Variants in MET observed in about 807,000 individuals in gnomAD.
MET encodes the protein MET proto-oncogene, receptor tyrosine kinase.
MET carries 48 observed loss-of-function variants against 133.1 expected under a neutral mutation model. The observed-to-expected ratio is 0.36, with a 90% confidence interval of 0.29 to 0.46. The LOEUF (loss-of-function observed/expected upper bound fraction) is 0.46, where lower values mean the gene tolerates loss of function less well. Among genes scored for constraint, MET ranks in the 20% least tolerant of loss-of-function variants. The probability of loss-of-function intolerance (pLI) is 1.00; values close to 1 mark genes in which losing one functional copy is unlikely to be tolerated. For synonymous variants in MET, 628 were observed against 616.5 expected (o/e 1.02, Z -0.28); for missense variants, 1,442 against 1,695.9 (o/e 0.85, Z 2.63).
intron 11 of MET, among the ~76,000 whole-genome samples, chr7:116,764,272 C>T (rs569225474): frequency 2.6e-5 from 4 of 152,010 alleles, no homozygotes; most frequent in Non-Finnish European, 5.9e-5. Context: ...TTAAGCAAGC[C>T]CAGCATAAAA....
Position 116,795,952 on chromosome 7 carries a change from T to C in MET, c.4001T>C (p.Val1334Ala), listed in dbSNP as rs778282062. Residue 1334 changes from valine (V) to alanine (A), a missense_variant, in exon 21 of 21, where the codon GTG becomes GCG. Coordinates refer to ENST00000397752, the MANE Select transcript of MET (RefSeq NM_000245.4). ...AEMRPSFSEL[V>A]SRISAIFSTF... ...ATGCGCCCATCCTTTTCTGAACTGG[T>C]GTCCCGGATATCAGCGATCTTCTCT... 3 of 1,614,190 alleles carry C rather than the reference T, an allele frequency of 1.9e-6. No individual in the cohort carries two copies. The Admixed American group carries it at 5.0e-5, about 27-fold the overall frequency.
At chr7:116,712,962 G>A (rs1283510023) in intron 2 of MET, among the ~76,000 whole-genome samples, 1 of 152,062 alleles carries the variant, frequency 6.6e-6, no homozygotes, top group Non-Finnish European at 1.5e-5. Flanking sequence ...TCTGTAAGAG[G>A]GACTTTACGC....
At chr7:116,713,394 CAA>C (rs749848531) in intron 2 of MET, among the ~76,000 whole-genome samples, 35 of 77,516 alleles carry the variant, frequency 4.5e-4, no homozygotes, top group Non-Finnish European at 3.2e-4. Flanking sequence ...GACTCCGTCT[CAA>C]AAAAAAAAAA....
chr7:116,744,772 G>A (rs1793603598), intron 5 of MET, among the ~76,000 whole-genome samples: 1 of 152,214 alleles, frequency 6.6e-6, no homozygotes, highest in Non-Finnish European at 1.5e-5. Context: ...AGGAAAAAAT[G>A]TTAAGGGCAG....
rs45441497 is a variant in MET, at chr7:116,731,671, C to A, written c.1204C>A (p.Leu402Ile). Residue 402 changes from leucine to isoleucine, a missense_variant, in exon 3 of 21, where the codon CTT becomes ATT. Leu to Ile is a conservative substitution (Grantham distance 5, BLOSUM62 2). Coordinates refer to ENST00000397752, the MANE Select transcript of MET (RefSeq NM_000245.4). ...PNHEHCFNRT[L>I]LRNSSGCEAR... is the part of the protein sequence containing the mutation. The stretch of plus-strand genomic sequence containing the variant: ...CTATGACCATATTTTATTCCAGACA[C>A]TTCTGAGAAATTCATCAGGCTGTGA... The A allele has an allele frequency of 1.2e-6, 2 of 1,614,092 alleles. No individual in the cohort carries two copies. Among genetic ancestry groups the A allele is most frequent in the Non-Finnish European group, 8.5e-7 (1 of 1,179,948 alleles).
chr7:116,775,829 T>C (rs1030693572), intron 15 of MET, among the ~76,000 whole-genome samples: 2 of 152,234 alleles, frequency 1.3e-5, no homozygotes, highest in South Asian at 2.1e-4. Flanking sequence ...GCCTGGTTTA[T>C]AGCAGTTTGT....
At chr7:116,789,355 T>C (rs1795412926) in intron 19 of MET, among the ~76,000 whole-genome samples, 1 of 152,200 alleles carries the variant, frequency 6.6e-6, no homozygotes, top group African/African-American at 2.4e-5. Flanking sequence ...AATCAAACTC[T>C]TTCCTGCCAA....
At chr7:116,754,936 A>G (rs1214336919) in intron 5 of MET, among the ~76,000 whole-genome samples, 35 of 139,470 alleles carry the variant, frequency 2.5e-4, no homozygotes, top group South Asian at 9.1e-4. Context: ...AGAAAGAAAG[A>G]AAGAAAGAAA....
At chr7:116,776,931 G>GT (rs1795010440) in intron 15 of MET, among the ~76,000 whole-genome samples, 1 of 152,076 alleles carries the variant, frequency 6.6e-6, no homozygotes, top group Admixed American at 6.5e-5. Context: ...ATTTTTAATG[G>GT]TAACATTTTT....
At chr7:116,768,217 C>A (rs1358242907) in intron 11 of MET, among the ~76,000 whole-genome samples, 2 of 152,060 alleles carry the variant, frequency 1.3e-5, no homozygotes, top group African/African-American at 4.8e-5. Context: ...AAATGTTGTA[C>A]ATTCATCCCT....
intron 18 of MET, among the ~76,000 whole-genome samples, chr7:116,782,824 C>T (rs1795194407): frequency 2.0e-5 from 3 of 152,156 alleles, no homozygotes; most frequent in Admixed American, 6.5e-5. Flanking sequence ...TTCTCTATTA[C>T]CTCAGTGGTG....
At position 116,731,873 on chromosome 7, in the gene MET, G is replaced by A. The variant is rs529823741; in HGVS notation, c.1392+14G>A. 6.2e-6 allele frequency: 10 copies of A among 1,613,124 alleles called. No individual in the cohort carries two copies. The African/African-American group carries it at 1.1e-4, about 17-fold the overall frequency. ...CGCTTCATGCAGGTAAGTGCTTTCT[G>A]AGAGTAGCTGTGTCTGTTCTATCTG... On this transcript the variant is annotated intron_variant, in intron 3 of 20. Transcript: ENST00000397752.
intron 1 of MET, among the ~76,000 whole-genome samples, chr7:116,692,381 G>T (rs1269549520): frequency 2.0e-5 from 3 of 152,172 alleles, no homozygotes; most frequent in Non-Finnish European, 4.4e-5. Flanking sequence ...CTCTTAAGAA[G>T]AAACTTATTC....
chr7:116,731,599 C>G (rs2116777811), intron 2 of MET, 69 bp from the exon 3 acceptor site: 3 of 1,532,320 alleles, frequency 2.0e-6, no homozygotes, highest in Non-Finnish European at 2.7e-6. Context: ...AAAATACACA[C>G]TGAAAGGTTT....
chr7:116,721,454 T>C (rs1792482321), intron 2 of MET, among the ~76,000 whole-genome samples: 1 of 152,132 alleles, frequency 6.6e-6, no homozygotes, highest in Non-Finnish European at 1.5e-5. Context: ...GATTCATTAA[T>C]TTTTTGAAGG....
intron 2 of MET, among the ~76,000 whole-genome samples, chr7:116,722,371 G>T (rs1185748076): frequency 1.3e-5 from 2 of 150,364 alleles, no homozygotes; most frequent in Non-Finnish European, 3.0e-5. Flanking sequence ...GAGCCTATGT[G>T]TGTCTCTGCA....
At chr7:116,724,731 G>A (rs562509350) in intron 2 of MET, 2 of 980,616 alleles carry the variant, frequency 2.0e-6, no homozygotes, top group African/African-American at 1.7e-5. Flanking sequence ...AGAGCTGGAA[G>A]AGAATTTCGA....
At chr7:116,788,020 A>T (rs977485458) in intron 19 of MET, among the ~76,000 whole-genome samples, 2 of 152,354 alleles carry the variant, frequency 1.3e-5, no homozygotes, top group South Asian at 4.1e-4. Flanking sequence ...ACTGATGCCT[A>T]CTACAGCATG....
chr7:116,748,031 G>T, intron 5 of MET, among the ~76,000 whole-genome samples: 1 of 152,034 alleles, frequency 6.6e-6, no homozygotes, highest in East Asian at 1.9e-4. Context: ...GGATCACAAG[G>T]TCAGGAGATC....
Sources: gnomAD v4.1 joint callset for allele counts (sites outside exome capture counted in the v4.1 genomes callset) on GRCh38, gnomAD v4.1.1 for gene constraint, MANE v1.5 for transcripts, NCBI Gene and HGNC (gene_info 2026-07-23, HGNC 2026-07-21) for gene names.